The following TNR variants were observed in gnomAD, a reference collection of about 807,000 sequenced individuals.
The protein encoded by TNR is tenascin-R.
A neutral mutation model predicts 150.4 loss-of-function variants in TNR; 45 were observed. That is an observed-to-expected ratio of 0.30 (90% CI 0.24 to 0.38). TNR has a LOEUF of 0.38. TNR is among the 10% of genes least tolerant of loss of function. TNR has a pLI of 1.00. For missense variants in TNR, 1,544 were observed against 1,759.1 expected (o/e 0.88, Z 2.19); for synonymous variants, 687 against 678.4 (o/e 1.01, Z -0.20).
chr1:175,603,877 G>A (rs189050192), intron 1 of TNR, among the ~76,000 whole-genome samples: 5 of 152,318 alleles, frequency 3.3e-5, no homozygotes, highest in Admixed American at 2.6e-4. Context: ...TAGACTGCAG[G>A]CTCCTTCAGG....
At chr1:175,377,303 C>T (rs573080472) in intron 9 of TNR, among the ~76,000 whole-genome samples, 53 of 152,142 alleles carry the variant, frequency 3.5e-4, no homozygotes, top group African/African-American at 1.3e-3. Context: ...ATAACTAGGA[C>T]GTGGGGTTTT....
intron 4 of TNR, among the ~76,000 whole-genome samples, chr1:175,397,741 G>T (rs192331783): frequency 6.6e-6 from 1 of 152,316 alleles, no homozygotes; most frequent in East Asian, 1.9e-4. Context: ...TGAGGACCTT[G>T]CTTTACTTTC....
At chr1:175,569,683 C>A (rs931307127) in intron 1 of TNR, among the ~76,000 whole-genome samples, 7 of 152,180 alleles carry the variant, frequency 4.6e-5, no homozygotes, top group Non-Finnish European at 1.0e-4. Context: ...TGGCTGAGCT[C>A]CATTTATTCA....
At chr1:175,586,110 G>C (rs1233721577) in intron 1 of TNR, among the ~76,000 whole-genome samples, 6 of 152,144 alleles carry the variant, frequency 3.9e-5, no homozygotes, top group Non-Finnish European at 8.8e-5. Flanking sequence ...AATATCAGCA[G>C]AATAATGACT....
intron 1 of TNR, among the ~76,000 whole-genome samples, chr1:175,696,227 T>TTGTTGTTGTTG (rs776257273): frequency 0.15 from 11,418 of 73,988 alleles, 699 homozygotes; most frequent in East Asian, 0.52. Flanking sequence ...GTTTTTTTTT[T>TTGTTGTTGTTG]TTTTTTTTTT....
At chr1:175,520,096 CAT>C (rs1294185484) in intron 2 of TNR, among the ~76,000 whole-genome samples, 1 of 152,176 alleles carries the variant, frequency 6.6e-6, no homozygotes, top group Non-Finnish European at 1.5e-5. Context: ...AGCGAATAAA[CAT>C]AAAGTAATCA....
chr1:175,724,575 G>T (rs909304714), intron 1 of TNR, among the ~76,000 whole-genome samples: 1 of 152,164 alleles, frequency 6.6e-6, no homozygotes, highest in Non-Finnish European at 1.5e-5. Flanking sequence ...GTTCTTCTTG[G>T]TGTCTTAGTA....
chr1:175,571,696 A>G (rs1456499476), intron 1 of TNR, among the ~76,000 whole-genome samples: 1 of 151,546 alleles, frequency 6.6e-6, no homozygotes, highest in Non-Finnish European at 1.5e-5. Context: ...CACCCCACTA[A>G]CCTCCAGGCG....
chr1:175,563,212 C>A (rs916606458), intron 1 of TNR, among the ~76,000 whole-genome samples: 1 of 152,156 alleles, frequency 6.6e-6, no homozygotes, highest in South Asian at 2.1e-4. Flanking sequence ...AATTTGCCCT[C>A]TTTTAGATTG....
At chr1:175,456,811 A>G (rs1656591925) in intron 2 of TNR, among the ~76,000 whole-genome samples, 1 of 152,202 alleles carries the variant, frequency 6.6e-6, no homozygotes, top group Admixed American at 6.5e-5. Context: ...GACAAGCTCT[A>G]TTATATCTTA....
At chr1:175,575,651 G>A (rs1421916051) in intron 1 of TNR, among the ~76,000 whole-genome samples, 1 of 152,204 alleles carries the variant, frequency 6.6e-6, no homozygotes, top group Admixed American at 6.5e-5. Context: ...AAGACTTTGT[G>A]GAGGTTTGGA....
At chr1:175,655,806 A>G (rs560640232) in intron 1 of TNR, among the ~76,000 whole-genome samples, 1 of 152,334 alleles carries the variant, frequency 6.6e-6, no homozygotes, top group South Asian at 2.1e-4. Flanking sequence ...AGAAAGGAAC[A>G]GGGAAGTCAG....
At chr1:175,448,159 G>T (rs181098515) in intron 2 of TNR, among the ~76,000 whole-genome samples, 290 of 152,168 alleles carry the variant, frequency 1.9e-3, no homozygotes, top group Non-Finnish European at 3.3e-3. Flanking sequence ...CCCGAGCCCT[G>T]GTAGGTAGCC....
intron 1 of TNR, among the ~76,000 whole-genome samples, chr1:175,657,523 A>T (rs1665218766): frequency 6.6e-6 from 1 of 152,102 alleles, no homozygotes; most frequent in Non-Finnish European, 1.5e-5. Flanking sequence ...ACCAGCCCAA[A>T]TGTCCAACAA....
intron 2 of TNR, among the ~76,000 whole-genome samples, chr1:175,509,278 A>G (rs1248669416): frequency 6.6e-6 from 1 of 152,150 alleles, no homozygotes; most frequent in Non-Finnish European, 1.5e-5. Flanking sequence ...GCTTTTTTCA[A>G]TTACCTGGTG....
chr1:175,634,433 A>G (rs1664430774), intron 1 of TNR, among the ~76,000 whole-genome samples: 1 of 152,116 alleles, frequency 6.6e-6, no homozygotes, highest in African/African-American at 2.4e-5. Context: ...ATGGGCCTTT[A>G]TCATCTTTCA....
intron 1 of TNR, among the ~76,000 whole-genome samples, chr1:175,614,452 T>C (rs1179951318): frequency 6.6e-6 from 1 of 152,202 alleles, no homozygotes; most frequent in East Asian, 1.9e-4. Flanking sequence ...AGCAGACACT[T>C]AAGAGAAGTC....
At chr1:175,716,877 C>A (rs1667167054) in intron 1 of TNR, among the ~76,000 whole-genome samples, 2 of 152,150 alleles carry the variant, frequency 1.3e-5, no homozygotes. Flanking sequence ...TTTGCTGTCA[C>A]CCTTCCTTCT....
chr1:175,598,791 G>C (rs1397539451), intron 1 of TNR, among the ~76,000 whole-genome samples: 2 of 152,200 alleles, frequency 1.3e-5, no homozygotes, highest in Non-Finnish European at 2.9e-5. Context: ...CCAAGGTCTA[G>C]GTAAGACTCC....
Sources: gnomAD v4.1 joint callset for allele counts (sites outside exome capture counted in the v4.1 genomes callset) on GRCh38, gnomAD v4.1.1 for gene constraint, MANE v1.5 for transcripts, NCBI Gene and HGNC (gene_info 2026-07-23, HGNC 2026-07-21) for gene names.